CDKAL1: variants seen among roughly 807,000 people sequenced by gnomAD.
CDKAL1 encodes CDKAL1 threonylcarbamoyladenosine tRNA methylthiotransferase, also known as threonylcarbamoyladenosine tRNA methylthiotransferase.
In CDKAL1, 32 loss-of-function variants were observed where a neutral mutation model predicts 68.2. The ratio of observed to expected loss-of-function variants is 0.47; its 90% CI spans 0.35 to 0.63. The LOEUF (loss-of-function observed/expected upper bound fraction) is 0.63. CDKAL1 is among the 30% of genes least tolerant of loss of function. The pLI is 0.00. For synonymous variants in CDKAL1, 234 were observed against 244.3 expected, an observed-to-expected ratio of 0.96 and a Z score of 0.39; for missense variants, 606 against 696.7, an observed-to-expected ratio of 0.87 and a Z score of 1.47.
intron 5 of CDKAL1, among the ~76,000 whole-genome samples, chr6:20,682,351 C>G (rs1421345391): frequency 1.3e-5 from 2 of 152,188 alleles, no homozygotes; most frequent in Non-Finnish European, 2.9e-5. Context: ...TCTGTTCTCA[C>G]ACTGCTATAA....
At chr6:21,215,023 A>T (rs1779293209) in intron 15 of CDKAL1, among the ~76,000 whole-genome samples, 1 of 152,206 alleles carries the variant, frequency 6.6e-6, no homozygotes, top group African/African-American at 2.4e-5. Context: ...TATGACAACC[A>T]ACCACAGAAC....
At chr6:20,772,466 G>A (rs1360511049) in intron 7 of CDKAL1, among the ~76,000 whole-genome samples, 1 of 152,150 alleles carries the variant, frequency 6.6e-6, no homozygotes, top group Non-Finnish European at 1.5e-5. Flanking sequence ...AGACATATCT[G>A]CTTGCAAAAG....
intron 13 of CDKAL1, among the ~76,000 whole-genome samples, chr6:21,170,139 G>C (rs1777321527): frequency 6.6e-6 from 1 of 152,264 alleles, no homozygotes; most frequent in South Asian, 2.1e-4. Context: ...GCTGTCTTCA[G>C]CCTTGTCTGA....
At chr6:20,868,267 T>G (rs937955185) in intron 9 of CDKAL1, among the ~76,000 whole-genome samples, 28 of 152,162 alleles carry the variant, frequency 1.8e-4, no homozygotes, top group Middle Eastern at 3.4e-3. Context: ...TCTGAAAGGG[T>G]CTGCTCCTTT....
At chr6:20,942,509 A>G (rs1183646363) in intron 9 of CDKAL1, among the ~76,000 whole-genome samples, 2 of 150,438 alleles carry the variant, frequency 1.3e-5, no homozygotes, top group Non-Finnish European at 3.0e-5. Context: ...CTGGGATTAC[A>G]GTTGGGTGCC....
chr6:20,594,328 T>C (rs1010188463), intron 4 of CDKAL1, among the ~76,000 whole-genome samples: 1 of 152,190 alleles, frequency 6.6e-6, no homozygotes, highest in Admixed American at 6.5e-5. Flanking sequence ...TTTATAGGTC[T>C]CTAAGAACTT....
chr6:20,536,978 C>G (rs1763198865), intron 2 of CDKAL1, among the ~76,000 whole-genome samples: 1 of 152,144 alleles, frequency 6.6e-6, no homozygotes, highest in Non-Finnish European at 1.5e-5. Flanking sequence ...TGCCCAGGCT[C>G]CATTCTCAGA....
chr6:21,217,011 C>A (rs1779360587), intron 15 of CDKAL1, among the ~76,000 whole-genome samples: 2 of 151,936 alleles, frequency 1.3e-5, no homozygotes, highest in South Asian at 4.1e-4. Context: ...TCATAGTGTT[C>A]TGGATCCTCC....
At chr6:20,767,564 G>T (rs558113201) in intron 7 of CDKAL1, among the ~76,000 whole-genome samples, 1 of 151,996 alleles carries the variant, frequency 6.6e-6, no homozygotes, top group South Asian at 2.1e-4. Context: ...CTCAGATGTA[G>T]GTAGAAAAGA....
At chr6:21,100,996 G>C (rs918908945) in intron 12 of CDKAL1, among the ~76,000 whole-genome samples, 9 of 152,136 alleles carry the variant, frequency 5.9e-5, no homozygotes, top group African/African-American at 2.2e-4. Context: ...GCACTTACCA[G>C]GTAGGGGACT....
intron 12 of CDKAL1, among the ~76,000 whole-genome samples, chr6:21,096,163 T>C (rs1011140690): frequency 2.0e-4 from 31 of 152,162 alleles, no homozygotes; most frequent in African/African-American, 6.5e-4. Flanking sequence ...CACAGAACAA[T>C]TTTCGAGCTT....
chr6:21,007,887 ACTG>A (rs1477188731), intron 11 of CDKAL1, among the ~76,000 whole-genome samples: 1 of 152,214 alleles, frequency 6.6e-6, no homozygotes, highest in Admixed American at 6.5e-5. Flanking sequence ...ATAGTGTTGT[ACTG>A]CTGGTCTAAT....
intron 4 of CDKAL1, among the ~76,000 whole-genome samples, chr6:20,641,592 G>A (rs1339265016): frequency 6.6e-6 from 1 of 152,056 alleles, no homozygotes; most frequent in East Asian, 1.9e-4. Flanking sequence ...AAAACACAAA[G>A]TAGATACTAG....
chr6:21,046,870 G>A (rs1582091812), intron 11 of CDKAL1, among the ~76,000 whole-genome samples: 1 of 152,102 alleles, frequency 6.6e-6, no homozygotes. Flanking sequence ...AAAAATAGAC[G>A]CAAGCAACTG....
In CDKAL1 at chr6:20,831,133, A is replaced by G. The variant is rs1777701244; in HGVS notation, c.639-14942A>G. ...TATAACTAGGCTCAAACACACCTTT[A>G]TTAATCAAAATAGGAACCATTACAA... On this transcript the variant is annotated intron_variant, in intron 8 of 15. Transcript: ENST00000274695. Among the ~76,000 whole-genome samples the G allele has an allele frequency of 2.0e-5, 3 of 152,272 alleles. No individual in the cohort carries two copies. In the South Asian group the frequency reaches 6.2e-4, roughly 32 times the overall value.
chr6:20,890,150 A>G (rs77456392), intron 9 of CDKAL1, among the ~76,000 whole-genome samples: 3,458 of 152,362 alleles, frequency 0.023, 68 homozygotes, highest in Non-Finnish European at 0.035. Context: ...TGATAGTCAC[A>G]CAGTGACAAA....
chr6:20,922,923 A>G (rs998854747), intron 9 of CDKAL1, among the ~76,000 whole-genome samples: 1 of 152,254 alleles, frequency 6.6e-6, no homozygotes, highest in African/African-American at 2.4e-5. Context: ...TTTAAGGCAT[A>G]GGTCATAAGT....
intron 13 of CDKAL1, among the ~76,000 whole-genome samples, chr6:21,178,766 G>GCT (rs1440925575): frequency 6.6e-6 from 1 of 152,172 alleles, no homozygotes; most frequent in Non-Finnish European, 1.5e-5. Flanking sequence ...GATAGCACCT[G>GCT]CTCTCATTTG....
At chr6:20,594,616 G>T (rs1365835695) in intron 4 of CDKAL1, among the ~76,000 whole-genome samples, 4 of 152,084 alleles carry the variant, frequency 2.6e-5, no homozygotes, top group Non-Finnish European at 5.9e-5. Context: ...ATGCCGACGG[G>T]TCTTGACTCT....
Sources: gnomAD v4.1 joint callset for allele counts (sites outside exome capture counted in the v4.1 genomes callset) on GRCh38, gnomAD v4.1.1 for gene constraint, MANE v1.5 for transcripts, NCBI Gene and HGNC (gene_info 2026-07-23, HGNC 2026-07-21) for gene names.